NCAM2: variants seen among roughly 807,000 people sequenced by gnomAD.
NCAM2 encodes neural cell adhesion molecule 2, also known as N-CAM-2.
NCAM2 carries 30 observed loss-of-function variants against 98.1 expected under a neutral mutation model. The observed-to-expected ratio is 0.31, with a 90% CI of 0.23 to 0.41. NCAM2 has a LOEUF of 0.41. Ranked by LOEUF, NCAM2 falls within the 10% of genes least tolerant of loss-of-function variation. The pLI, the probability that NCAM2 is intolerant of heterozygous loss-of-function variation, is 1.00. For synonymous variants in NCAM2, 368 were observed against 342.4 expected, an observed-to-expected ratio of 1.07 and a Z score of -0.83; for missense variants, 867 against 1,005.8, an observed-to-expected ratio of 0.86 and a Z score of 1.87.
At chr21:21,387,932 C>T (rs1157319778) in intron 9 of NCAM2, among the ~76,000 whole-genome samples, 1 of 152,092 alleles carries the variant, frequency 6.6e-6, no homozygotes. Context: ...AGTCAGCTTG[C>T]CATAATAATT....
intron 1 of NCAM2, among the ~76,000 whole-genome samples, chr21:21,005,802 GC>G (rs200062852): frequency 1.4e-5 from 2 of 146,658 alleles, no homozygotes; most frequent in Non-Finnish European, 3.0e-5. Flanking sequence ...CCAGGAGAAC[GC>G]CCCCCCCAAA....
chr21:21,183,832 A>G (rs534356886), intron 1 of NCAM2, among the ~76,000 whole-genome samples: 4 of 152,252 alleles, frequency 2.6e-5, no homozygotes, highest in East Asian at 1.9e-4. Context: ...AATTTATTAT[A>G]GTAAGGCTAC....
chr21:21,038,153 A>T (rs1270768762), intron 1 of NCAM2, among the ~76,000 whole-genome samples: 1 of 152,188 alleles, frequency 6.6e-6, no homozygotes, highest in Non-Finnish European at 1.5e-5. Context: ...TTAACTTACC[A>T]ATTAGCATGA....
At chr21:21,184,024 T>C (rs1023937380) in intron 1 of NCAM2, among the ~76,000 whole-genome samples, 2 of 152,126 alleles carry the variant, frequency 1.3e-5, no homozygotes, top group Non-Finnish European at 2.9e-5. Context: ...ATCTTAGGTA[T>C]TAAAATGGCA....
chr21:21,019,952 T>C (rs2064395358), intron 1 of NCAM2, among the ~76,000 whole-genome samples: 1 of 152,194 alleles, frequency 6.6e-6, no homozygotes, highest in East Asian at 1.9e-4. Context: ...TTGAGGGTAA[T>C]TACTCAGTTT....
intron 5 of NCAM2, among the ~76,000 whole-genome samples, chr21:21,322,734 T>G (rs1377459916): frequency 6.6e-6 from 1 of 152,172 alleles, no homozygotes; most frequent in Non-Finnish European, 1.5e-5. Flanking sequence ...CATCTTTATC[T>G]TCTGAGAAAT....
chr21:21,089,889 A>T (rs1048290191), intron 1 of NCAM2, among the ~76,000 whole-genome samples: 4 of 152,180 alleles, frequency 2.6e-5, no homozygotes, highest in African/African-American at 9.7e-5. Context: ...CACTCTATTT[A>T]CTTATTTTAT....
chr21:21,341,005 T>G (rs2075016618), intron 8 of NCAM2, among the ~76,000 whole-genome samples: 1 of 152,020 alleles, frequency 6.6e-6, no homozygotes, highest in African/African-American at 2.4e-5. Flanking sequence ...CCAATAAACT[T>G]TACTTTTTAC....
chr21:21,429,198 G>T (rs1441826726), intron 11 of NCAM2, among the ~76,000 whole-genome samples: 3 of 152,160 alleles, frequency 2.0e-5, no homozygotes, highest in Non-Finnish European at 4.4e-5. Flanking sequence ...AACTAGAAGA[G>T]ACTAGGCACT....
rs1432663097 is a variant in NCAM2, at chr21:21,142,951, G to T, written c.56-137627G>T. Among the ~76,000 whole-genome samples, 3 of 152,020 alleles carry T rather than the reference G, an allele frequency of 2.0e-5. No homozygotes were observed. In the East Asian group the frequency reaches 5.8e-4, roughly 29 times the overall value. The stretch of plus-strand genomic sequence containing the variant: ...ATTTTGGTTGTTATTAGATTTCGAG[G>T]GATCTCCCTCTATCTTATAGAATGT... On this transcript the variant is annotated intron_variant, in intron 1 of 17. Coordinates refer to ENST00000400546, the MANE Select transcript of NCAM2 (RefSeq NM_004540.5).
chr21:21,300,316 G>A (rs2073665114), intron 5 of NCAM2, among the ~76,000 whole-genome samples: 1 of 152,006 alleles, frequency 6.6e-6, no homozygotes, highest in Admixed American at 6.6e-5. Flanking sequence ...GCACCTCAAA[G>A]AGACTCTCAG....
At chr21:21,406,013 G>A (rs2076731217) in intron 9 of NCAM2, among the ~76,000 whole-genome samples, 1 of 152,032 alleles carries the variant, frequency 6.6e-6, no homozygotes, top group African/African-American at 2.4e-5. Context: ...CTTCACATCT[G>A]TCTCTCTCAT....
rs562925202 is a variant in NCAM2 at position 21,444,424 on chromosome 21, T to G, written c.1654+12143T>G. Reference sequence around the variant, plus strand: ...ATAGAATGGTACCAGCTCCTCTTTGTAACTCTGGTAGAATTTGGCTGTGAA... The same window carrying G: ...ATAGAATGGTACCAGCTCCTCTTTGGAACTCTGGTAGAATTTGGCTGTGAA... On this transcript the variant is annotated intron_variant, in intron 12 of 17. Coordinates refer to ENST00000400546, the MANE Select transcript of NCAM2 (RefSeq NM_004540.5). 6.6e-5 allele frequency among the ~76,000 whole-genome samples: 10 copies of G among 152,284 alleles called. No homozygotes were observed. In the East Asian group the frequency reaches 1.9e-3, roughly 29 times the overall value.
intron 1 of NCAM2, among the ~76,000 whole-genome samples, chr21:21,162,080 T>C (rs1380970549): frequency 6.6e-6 from 1 of 152,106 alleles, no homozygotes; most frequent in Non-Finnish European, 1.5e-5. Context: ...CACTGAACCA[T>C]TTGATAATGT....
At chr21:21,108,160 A>T (rs964440807) in intron 1 of NCAM2, among the ~76,000 whole-genome samples, 3 of 152,096 alleles carry the variant, frequency 2.0e-5, no homozygotes, top group Non-Finnish European at 4.4e-5. Flanking sequence ...TTTACATCTG[A>T]AAAACCAAAT....
At chr21:21,006,490 CAG>C (rs1306752300) in intron 1 of NCAM2, among the ~76,000 whole-genome samples, 3 of 152,152 alleles carry the variant, frequency 2.0e-5, no homozygotes, top group Non-Finnish European at 4.4e-5. Flanking sequence ...GCCTGGGTGA[CAG>C]AGTGAGACCC....
chr21:21,137,311 C>T (rs2067077514), intron 1 of NCAM2, among the ~76,000 whole-genome samples: 1 of 152,116 alleles, frequency 6.6e-6, no homozygotes, highest in African/African-American at 2.4e-5. Context: ...AAATTATTTA[C>T]AAATTAGAAC....
intron 4 of NCAM2, among the ~76,000 whole-genome samples, chr21:21,288,605 G>C (rs1191482747): frequency 6.6e-6 from 1 of 151,534 alleles, no homozygotes; most frequent in Non-Finnish European, 1.5e-5. Flanking sequence ...CCTTGAAATA[G>C]TGTAGAAACT....
chr21:21,204,118 C>T (rs1456861693), intron 1 of NCAM2, among the ~76,000 whole-genome samples: 1 of 152,072 alleles, frequency 6.6e-6, no homozygotes, highest in East Asian at 1.9e-4. Context: ...TGCACATGAT[C>T]CATCTTCAAT....
Sources: allele counts gnomAD v4.1 joint callset (sites outside exome capture counted in the v4.1 genomes callset), GRCh38; gene constraint gnomAD v4.1.1; transcripts MANE v1.5; gene names NCBI Gene and HGNC (gene_info 2026-07-23, HGNC 2026-07-21).